LTBP1: variants seen among roughly 807,000 people sequenced by gnomAD.
The protein encoded by LTBP1 is latent-transforming growth factor beta-binding protein 1.
In LTBP1, 129 loss-of-function variants were observed where a neutral mutation model predicts 207.6. The observed-to-expected ratio is 0.62, with a 90% confidence interval of 0.54 to 0.72. LTBP1 has a LOEUF of 0.72. LTBP1 is among the 30% of genes least tolerant of loss of function. The pLI is 0.00. For missense variants in LTBP1, 2,281 were observed against 2,217.2 expected (o/e 1.03, Z -0.58); for synonymous variants, 963 against 833.7 (o/e 1.16, Z -2.67).
At chr2:32,961,700 CT>C (rs1178787161) in intron 2 of LTBP1, among the ~76,000 whole-genome samples, 1 of 152,042 alleles carries the variant, frequency 6.6e-6, no homozygotes, top group Non-Finnish European at 1.5e-5. Context: ...AATCCCAGCA[CT>C]TTGGGAGGCT....
chr2:33,311,044 C>G (rs977882172), intron 23 of LTBP1, among the ~76,000 whole-genome samples: 1 of 151,670 alleles, frequency 6.6e-6, no homozygotes, highest in Non-Finnish European at 1.5e-5. Context: ...TTTTAAAATT[C>G]TGGATTGCCA....
rs748560245 is a variant in LTBP1 at position 33,262,844 on chromosome 2, G to A, written c.2518+23G>A. On this transcript the variant is annotated intron_variant, in intron 14 of 33. Transcript: ENST00000404816. ...CAGGTAGCCTGTGTTGATCTGTGCTGTTTGTCAGAGTATTCTGAATAAAAA... is the reference window on the plus strand; with the variant it reads ...CAGGTAGCCTGTGTTGATCTGTGCTATTTGTCAGAGTATTCTGAATAAAAA... 11 of 1,509,624 alleles carry A rather than the reference G, an allele frequency of 7.3e-6. No homozygotes were observed. The South Asian group carries it at 1.2e-4, about 17-fold the overall frequency. 93.5% of individuals were successfully genotyped at this position (1,509,624 alleles called of 1,614,324 possible).
chr2:33,327,992 A>G (rs1486402138), intron 24 of LTBP1, among the ~76,000 whole-genome samples: 4 of 151,784 alleles, frequency 2.6e-5, no homozygotes, highest in African/African-American at 9.7e-5. Flanking sequence ...AAAATTAGCC[A>G]GGCATGATGG....
chr2:33,173,474 A>G (rs182410180), intron 5 of LTBP1, among the ~76,000 whole-genome samples: 99 of 152,338 alleles, frequency 6.5e-4, no homozygotes, highest in African/African-American at 2.3e-3. Flanking sequence ...GAATCTCTGA[A>G]TAGACCAATA....
intron 5 of LTBP1, among the ~76,000 whole-genome samples, chr2:33,180,740 G>C (rs1313928304): frequency 6.6e-6 from 1 of 152,146 alleles, no homozygotes; most frequent in Admixed American, 6.5e-5. Flanking sequence ...ACAGGTGTGA[G>C]TCACCGTGCC....
chr2:33,342,178 G>T lies in LTBP1; in HGVS notation c.3731-660G>T, dbSNP rs550595743. 5.3e-5 allele frequency among the ~76,000 whole-genome samples: 8 copies of T among 152,336 alleles called. No individual in the cohort carries two copies. In the South Asian group the frequency reaches 1.4e-3, roughly 28 times the overall value. The stretch of plus-strand genomic sequence containing the variant: ...TTTTTATTAATGAGAAAAAAAGGCA[G>T]AAGATCACTCTCATCACGTTTATGG... On this transcript the variant is annotated intron_variant, in intron 24 of 33. Coordinates refer to ENST00000404816, the MANE Select transcript of LTBP1 (RefSeq NM_206943.4).
chr2:33,268,488 A>T (rs909998850), intron 15 of LTBP1, among the ~76,000 whole-genome samples: 2 of 152,192 alleles, frequency 1.3e-5, no homozygotes, highest in African/African-American at 4.8e-5. Flanking sequence ...ACACTTTGAC[A>T]TGTGATAATT....
intron 2 of LTBP1, among the ~76,000 whole-genome samples, chr2:32,977,079 G>A (rs892519320): frequency 6.6e-6 from 1 of 152,210 alleles, no homozygotes; most frequent in Non-Finnish European, 1.5e-5. Context: ...GGGGCAAAAG[G>A]ATATTGTGCC....
chr2:33,360,556 G>T, intron 26 of LTBP1, 41 bp from the exon 27 acceptor site: 1 of 1,352,878 alleles, frequency 7.4e-7, no homozygotes, highest in South Asian at 1.2e-5. Context: ...AGGTAGTTCT[G>T]ATGTGTCCTA....
chr2:33,354,296 A>C (rs796889226), intron 26 of LTBP1, among the ~76,000 whole-genome samples: 8 of 152,312 alleles, frequency 5.3e-5, no homozygotes, highest in African/African-American at 1.9e-4. Context: ...GACTTATAAA[A>C]ATTATTTCTG....
chr2:32,965,160 C>T lies in LTBP1; in HGVS notation c.565+16215C>T, dbSNP rs144782968. On this transcript the variant is annotated intron_variant, in intron 2 of 33. Coordinates refer to ENST00000404816, the MANE Select transcript of LTBP1 (RefSeq NM_206943.4). Reference sequence around the variant, plus strand: ...GCAATAGCTCCATGGTCAAAGTGGACAGTGGAGTTATTAAATAGTGTATTT... The same window carrying T: ...GCAATAGCTCCATGGTCAAAGTGGATAGTGGAGTTATTAAATAGTGTATTT... Among the ~76,000 whole-genome samples, 453 of 152,272 alleles carry T rather than the reference C, an allele frequency of 3.0e-3. 5 individuals carry two copies. Among genetic ancestry groups the T allele is most frequent in the African/African-American group, 0.01 (435 of 41,552 alleles).
intron 32 of LTBP1, among the ~76,000 whole-genome samples, 154 bp downstream of exon 32, chr2:33,389,460 T>C (rs2095296690): frequency 6.6e-6 from 1 of 152,124 alleles, no homozygotes; most frequent in South Asian, 2.1e-4. Flanking sequence ...CCCAGCCATC[T>C]TTGTTTCACA....
intron 23 of LTBP1, among the ~76,000 whole-genome samples, chr2:33,310,396 A>G (rs982397962): frequency 1.3e-5 from 2 of 152,262 alleles, no homozygotes; most frequent in Non-Finnish European, 2.9e-5. Flanking sequence ...ACAGCAACAC[A>G]ACACAGGTAC....
intron 3 of LTBP1, among the ~76,000 whole-genome samples, chr2:33,068,922 G>T (rs2077647632): frequency 6.6e-6 from 1 of 152,130 alleles, no homozygotes; most frequent in Non-Finnish European, 1.5e-5. Flanking sequence ...TATGGAAAAA[G>T]TTTGCTAACC....
intron 2 of LTBP1, among the ~76,000 whole-genome samples, chr2:33,017,207 C>A (rs1014964763): frequency 6.6e-6 from 1 of 152,022 alleles, no homozygotes; most frequent in Non-Finnish European, 1.5e-5. Flanking sequence ...TCTAAAATTG[C>A]AATAAAAATG....
chr2:33,215,727 T>TTTTTG (rs2090636336), intron 7 of LTBP1, among the ~76,000 whole-genome samples: 1 of 148,694 alleles, frequency 6.7e-6, no homozygotes, highest in African/African-American at 2.5e-5. Flanking sequence ...TTTTTTGTTT[T>TTTTTG]TTTTTTTTGA....
At chr2:33,374,111 A>G (rs565849430) in intron 31 of LTBP1, among the ~76,000 whole-genome samples, 28 of 152,336 alleles carry the variant, frequency 1.8e-4, no homozygotes, top group African/African-American at 4.1e-4. Flanking sequence ...TGACTCATGG[A>G]CTAAACTTGA....
chr2:33,307,170 G>A (rs2094111573), intron 22 of LTBP1, among the ~76,000 whole-genome samples: 2 of 152,132 alleles, frequency 1.3e-5, no homozygotes, highest in African/African-American at 2.4e-5. Flanking sequence ...TGGAACAATC[G>A]GAGTTCTCAT....
chr2:33,251,316 C>A (rs2149924769), intron 10 of LTBP1, among the ~76,000 whole-genome samples: 1 of 152,298 alleles, frequency 6.6e-6, no homozygotes, highest in Admixed American at 6.5e-5. Context: ...AAGTGCCCCA[C>A]CCAAACAGCA....
Sources: allele counts gnomAD v4.1 joint callset (sites outside exome capture counted in the v4.1 genomes callset), GRCh38; gene constraint gnomAD v4.1.1; transcripts MANE v1.5; gene names NCBI Gene and HGNC (gene_info 2026-07-23, HGNC 2026-07-21).